SV2B: variants seen among roughly 807,000 people sequenced by gnomAD.
SV2B encodes the protein solute carrier family 22 member B2.
SV2B carries 41 observed loss-of-function variants against 73.9 expected under a neutral mutation model. The observed-to-expected ratio is 0.56, with a 90% CI of 0.43 to 0.72. The LOEUF (loss-of-function observed/expected upper bound fraction) is 0.72. Ranked by LOEUF, SV2B falls within the 30% of genes least tolerant of loss-of-function variation. The pLI is 0.00. For synonymous variants in SV2B, 314 were observed against 314.2 expected (o/e 1.00, Z 0.01); for missense variants, 764 against 857.8 (o/e 0.89, Z 1.37).
At chr15:91,158,446 G>A (rs2141239772) in intron 1 of SV2B, among the ~76,000 whole-genome samples, 1 of 151,944 alleles carries the variant, frequency 6.6e-6, no homozygotes, top group East Asian at 2.0e-4. Flanking sequence ...CTTTGGAGTA[G>A]CACAAACGAA....
In SV2B at chr15:91,292,752, C is replaced by T. The variant is rs1390012412; in HGVS notation, c.*200C>T. 1.2e-5 allele frequency: 7 copies of T among 562,468 alleles called. No individual in the cohort carries two copies. The highest frequency in any genetic ancestry group is 1.2e-5 in the Non-Finnish European group (4 of 338,056). 34.8% of individuals were successfully genotyped at this position (562,468 alleles called of 1,614,324 possible). ...TGACTGATTTGGGGGTGCCCTGAGC[C>T]ACCCTTAGAATCACAGAGCTGCGTG... is the stretch of plus-strand genomic sequence containing the variant. On this transcript the variant is annotated 3_prime_UTR_variant, in exon 13 of 13. Transcript: ENST00000394232.
intron 1 of SV2B, among the ~76,000 whole-genome samples, chr15:91,211,147 G>C (rs1259469477): frequency 1.3e-5 from 2 of 152,246 alleles, no homozygotes; most frequent in African/African-American, 4.8e-5. Flanking sequence ...GCCGCTAAGA[G>C]AGTTTAGGCC....
At chr15:91,198,226 A>G (rs190839005) in intron 1 of SV2B, among the ~76,000 whole-genome samples, 4 of 152,300 alleles carry the variant, frequency 2.6e-5, no homozygotes, top group Admixed American at 2.6e-4. Flanking sequence ...TGTTAAGATT[A>G]GATAAAGCTG....
Position 91,280,227 on chromosome 15 carries a change from A to G in SV2B, c.1374-1501A>G, listed in dbSNP as rs2048641688. On this transcript the variant is annotated intron_variant, in intron 9 of 12. Coordinates refer to ENST00000394232, the MANE Select transcript of SV2B (RefSeq NM_001323032.3). The surrounding 1 kb of genome is among the most constrained non-coding windows in gnomAD (Gnocchi z 5.8). ...TCTAGATTAAGGTTCTGAGCAGGACATGATAGAGCATGAAGGATAAGGGTC... is the reference window on the plus strand; with the variant it reads ...TCTAGATTAAGGTTCTGAGCAGGACGTGATAGAGCATGAAGGATAAGGGTC... Among the ~76,000 whole-genome samples the G allele has an allele frequency of 1.3e-5, 2 of 152,330 alleles. No homozygotes were observed. The highest frequency in any genetic ancestry group is 2.1e-4 in the South Asian group (1 of 4,828).
intron 1 of SV2B, among the ~76,000 whole-genome samples, chr15:91,181,315 CT>C (rs2044549115): frequency 7.7e-6 from 1 of 129,668 alleles, no homozygotes; most frequent in Admixed American, 7.9e-5. Flanking sequence ...TGGGGGGTGC[CT>C]CCCAGTTAGG....
intron 1 of SV2B, among the ~76,000 whole-genome samples, chr15:91,213,083 G>A (rs1466427804): frequency 2.0e-5 from 3 of 152,100 alleles, no homozygotes; most frequent in East Asian, 1.9e-4. Flanking sequence ...AACCTGGGAG[G>A]TGGAGGTTGC....
rs980849989 is a variant in SV2B, at chr15:91,121,380, A to G, written c.-392+21017A>G. ...GGAGTATAAATTGAATTTTTTAAAA[A>G]TAAGCTGCCCAATGATCCTAATGTG... is the stretch of plus-strand genomic sequence containing the variant. On this transcript the variant is annotated intron_variant, in intron 1 of 12. Transcript: ENST00000394232. The surrounding 1 kb of genome is among the most constrained non-coding windows in gnomAD (Gnocchi z 4.4). 3.3e-5 allele frequency among the ~76,000 whole-genome samples: 5 copies of G among 152,198 alleles called. No individual in the cohort carries two copies.
At chr15:91,146,357 G>T (rs985989619) in intron 1 of SV2B, among the ~76,000 whole-genome samples, 6 of 152,160 alleles carry the variant, frequency 3.9e-5, no homozygotes, top group African/African-American at 1.4e-4. Context: ...TAGCCTTGTA[G>T]TATGGTTTGA....
chr15:91,161,819 C>T (rs576016500), intron 1 of SV2B, among the ~76,000 whole-genome samples: 1 of 152,142 alleles, frequency 6.6e-6, no homozygotes, highest in Non-Finnish European at 1.5e-5. Context: ...CCACCTGAGC[C>T]CTGTCTACTT....
At chr15:91,108,468 C>G (rs1248641694) in intron 1 of SV2B, among the ~76,000 whole-genome samples, 1 of 152,244 alleles carries the variant, frequency 6.6e-6, no homozygotes, top group Non-Finnish European at 1.5e-5. Flanking sequence ...TGGTGTTCTT[C>G]TGGAAAGGTC....
chr15:91,185,190 G>A (rs569939602), intron 1 of SV2B, among the ~76,000 whole-genome samples: 24 of 152,262 alleles, frequency 1.6e-4, no homozygotes, highest in African/African-American at 3.6e-4. Flanking sequence ...CCACCTCAGC[G>A]TCCCAAGTAG....
rs1012574872 is a variant in SV2B, at chr15:91,241,733, C to G, written c.452-10086C>G. ...CTCACTGGTCTCCCTGTATCCCATC[C>G]CCTCTCACCTCCCCAGAACATCACT... On this transcript the variant is annotated intron_variant, in intron 2 of 12. Transcript: ENST00000394232. The surrounding 1 kb of genome is among the most constrained non-coding windows in gnomAD (Gnocchi z 4.8). 4.6e-5 allele frequency among the ~76,000 whole-genome samples: 7 copies of G among 152,034 alleles called. No individual in the cohort carries two copies. The highest frequency in any genetic ancestry group is 1.7e-4 in the African/African-American group (7 of 41,412).
intron 1 of SV2B, among the ~76,000 whole-genome samples, chr15:91,144,953 T>C (rs1305838195): frequency 6.6e-6 from 1 of 152,200 alleles, no homozygotes; most frequent in African/African-American, 2.4e-5. Flanking sequence ...GCAATTCACT[T>C]TGAATAGCAA....
intron 1 of SV2B, among the ~76,000 whole-genome samples, chr15:91,200,679 C>T (rs2045427733): frequency 2.0e-5 from 3 of 152,144 alleles, no homozygotes; most frequent in South Asian, 4.1e-4. Flanking sequence ...GAGGCCAAGA[C>T]AAGAGGTCCG....
At chr15:91,107,325 A>ATTT (rs1479946377) in intron 1 of SV2B, among the ~76,000 whole-genome samples, 37 of 151,694 alleles carry the variant, frequency 2.4e-4, no homozygotes, top group Middle Eastern at 6.8e-3. Flanking sequence ...TTATTTATTT[A>ATTT]TTTTTTGAGA....
chr15:91,162,486 G>A (rs1056167352), intron 1 of SV2B, among the ~76,000 whole-genome samples: 2 of 151,884 alleles, frequency 1.3e-5, no homozygotes, highest in African/African-American at 4.8e-5. Context: ...TTTTATTCTT[G>A]TGTAACAAAT....
At position 91,105,315 on chromosome 15, in the gene SV2B, T is replaced by C. The variant is rs2151717651; in HGVS notation, c.-392+4952T>C. 6.6e-6 allele frequency among the ~76,000 whole-genome samples: 1 copy of C among 152,256 alleles called. No homozygotes were observed. The highest frequency in any genetic ancestry group is 1.5e-5 in the Non-Finnish European group (1 of 68,016). On this transcript the variant is annotated intron_variant, in intron 1 of 12. Coordinates refer to ENST00000394232, the MANE Select transcript of SV2B (RefSeq NM_001323032.3). The surrounding 1 kb of genome is among the most constrained non-coding windows in gnomAD (Gnocchi z 5.5). ...GGTAAAACGAAGTGTGGGTATTTTATGCAAGGTGGTCAGGGTGACATGAAG... is the reference window on the plus strand; with the variant it reads ...GGTAAAACGAAGTGTGGGTATTTTACGCAAGGTGGTCAGGGTGACATGAAG...
chr15:91,131,025 A>C (rs1356988534), intron 1 of SV2B, among the ~76,000 whole-genome samples: 2 of 151,052 alleles, frequency 1.3e-5, no homozygotes, highest in Non-Finnish European at 2.9e-5. Flanking sequence ...GTGGAGGGAG[A>C]GGAGGAGAAG....
intron 9 of SV2B, among the ~76,000 whole-genome samples, chr15:91,273,748 A>G (rs2048392656): frequency 6.6e-6 from 1 of 152,202 alleles, no homozygotes; most frequent in Admixed American, 6.5e-5. Flanking sequence ...ATCATAAACT[A>G]TGTTTACTCC....
Sources: allele counts gnomAD v4.1 joint callset (sites outside exome capture counted in the v4.1 genomes callset), GRCh38; gene constraint gnomAD v4.1.1; non-coding constraint Gnocchi (gnomAD v3.1); transcripts MANE v1.5; gene names NCBI Gene and HGNC (gene_info 2026-07-23, HGNC 2026-07-21).